Variants in AMY2B observed in about 807,000 individuals in gnomAD.
AMY2B encodes alpha-amylase 2B.
AMY2B carries 63 observed loss-of-function variants against 59.3 expected under a neutral mutation model. That is an observed-to-expected ratio of 1.06 (90% CI 0.87 to 1.31). The LOEUF (loss-of-function observed/expected upper bound fraction) is 1.31, where lower values mean the gene tolerates loss of function less well. AMY2B is among the 50% of genes most tolerant of loss of function. The pLI, the probability that AMY2B is intolerant of heterozygous loss-of-function variation, is 0.00. For synonymous variants in AMY2B, 180 were observed against 198.1 expected, an observed-to-expected ratio of 0.91 and a Z score of 0.77; for missense variants, 635 against 626.7, an observed-to-expected ratio of 1.01 and a Z score of -0.14.
intron 3 of AMY2B, 75 bp from the exon 4 acceptor site, chr1:103,573,633 A>G: frequency 6.3e-7 from 1 of 1,591,066 alleles, no homozygotes; most frequent in Admixed American, 1.7e-5. Flanking sequence ...ATCATGGAAT[A>G]AATGAATAAT....
chr1:103,573,171 C>T lies in AMY2B; in HGVS notation c.424C>T (p.Pro142Ser). The change falls in exon 3 of 10, where the codon CCA becomes TCA. Residue 142 changes from proline to serine, a missense_variant. Pro to Ser is a moderately conservative substitution (Grantham distance 74). Coordinates refer to ENST00000684275, the MANE Select transcript of AMY2B (RefSeq NM_001387437.1). ...SYFNPGSRDF[P>S]AVPYSGWDFN... The stretch of plus-strand genomic sequence containing the variant: ...CTTCAACCCTGGAAGTAGGGACTTT[C>T]CAGCAGTCCCATATTCTGGATGGGA... 2 of 1,613,738 alleles carry T rather than the reference C, an allele frequency of 1.2e-6. No homozygotes were observed. The highest frequency in any genetic ancestry group is 1.7e-6 in the Non-Finnish European group (2 of 1,179,722).
Position 103,575,560 on chromosome 1 carries a change from A to G in AMY2B, c.1101+20A>G. The G allele has an allele frequency of 1.2e-6, 2 of 1,612,208 alleles. No individual in the cohort carries two copies. The highest frequency in any genetic ancestry group is 1.3e-5 in the African/African-American group (1 of 74,932). ...GGAAACGTAAGTTTTGAAATTGTTC[A>G]AACTATCCTTTTCTCAAGAAACAGA... On this transcript the variant is annotated intron_variant, in intron 7 of 9. Transcript: ENST00000684275.
rs200275225 is a variant in AMY2B, at chr1:103,574,315, G to A, written c.800G>A (p.Arg267Gln). The stretch of plus-strand genomic sequence containing the variant: ...AGCAGTGACTACTTTGGAAATGGCC[G>A]GGTGACAGAATTCAAGTATGGTGCA... ...IKSSDYFGNG[R>Q]VTEFKYGAKL... The change falls in exon 5 of 10, where the codon CGG becomes CAG. Residue 267 changes from arginine (R) to glutamine (Q), a missense_variant. Coordinates refer to ENST00000684275, the MANE Select transcript of AMY2B (RefSeq NM_001387437.1). The A allele has an allele frequency of 3.8e-5, 62 of 1,611,606 alleles. No individual in the cohort carries two copies. Among genetic ancestry groups the A allele is most frequent in the African/African-American group, 1.2e-4 (9 of 74,900 alleles).
At chr1:103,559,966 T>G in intron 1 of AMY2B, among the ~76,000 whole-genome samples, 1 of 152,206 alleles carries the variant, frequency 6.6e-6, no homozygotes, top group East Asian at 1.9e-4. Context: ...AGATGTTCAT[T>G]ATAACACTTC....
intron 1 of AMY2B, among the ~76,000 whole-genome samples, chr1:103,564,038 A>G (rs984144343): frequency 3.9e-5 from 6 of 152,194 alleles, no homozygotes; most frequent in African/African-American, 1.2e-4. Flanking sequence ...ATGAGTTGAT[A>G]GGATTTTTAA....
upstream of AMY2B, chr1:103,570,256 C>G: frequency 1.8e-6 from 1 of 545,932 alleles, no homozygotes; most frequent in Non-Finnish European, 3.7e-6. Context: ...CTCCTCCTCC[C>G]TGGAGAAGAG....
chr1:103,572,407 G>C (rs1652172322), intron 2 of AMY2B, 151 bp downstream of exon 2: 3 of 1,407,968 alleles, frequency 2.1e-6, no homozygotes, highest in South Asian at 3.1e-5. Flanking sequence ...GTTGCCTTAT[G>C]TTCAGCTTTT....
At chr1:103,577,324 A>G (rs554437812) in intron 7 of AMY2B, 166 bp from the exon 8 acceptor site, 1 of 1,280,094 alleles carries the variant, frequency 7.8e-7, no homozygotes, top group Non-Finnish European at 1.1e-6. Context: ...TAGAGAGATG[A>G]TGAAGACCCA....
At chr1:103,578,353 A>G (rs1360225432) in intron 9 of AMY2B, among the ~76,000 whole-genome samples, 3 of 152,134 alleles carry the variant, frequency 2.0e-5, no homozygotes, top group African/African-American at 7.2e-5. Context: ...TGCATAAATA[A>G]TATGTATCTT....
At chr1:103,577,189 G>GCC (rs1652390910) in intron 7 of AMY2B, among the ~76,000 whole-genome samples, 1 of 152,146 alleles carries the variant, frequency 6.6e-6, no homozygotes, top group African/African-American at 2.4e-5. Context: ...AGTGAGCTAT[G>GCC]ATTATGCCAC....
intron 1 of AMY2B, among the ~76,000 whole-genome samples, chr1:103,564,700 A>T (rs929257228): frequency 6.6e-6 from 1 of 152,106 alleles, no homozygotes; most frequent in African/African-American, 2.4e-5. Flanking sequence ...TGTTCTGTTC[A>T]GTGTCTGTGT....
intron 3 of AMY2B, 111 bp from the exon 4 acceptor site, chr1:103,573,597 A>C: frequency 6.7e-7 from 1 of 1,496,400 alleles, no homozygotes; most frequent in Middle Eastern, 1.8e-4. Flanking sequence ...AATGCAAGGA[A>C]GTCACTATAG....
At chr1:103,574,024 G>A (rs1469826260) in intron 4 of AMY2B, 86 bp downstream of exon 4, 1 of 1,602,594 alleles carries the variant, frequency 6.2e-7, no homozygotes, top group Non-Finnish European at 8.5e-7. Context: ...AATTTCTATA[G>A]GATAAGGACT....
intron 1 of AMY2B, among the ~76,000 whole-genome samples, chr1:103,562,792 T>G (rs1043751372): frequency 6.6e-6 from 1 of 151,876 alleles, no homozygotes; most frequent in Non-Finnish European, 1.5e-5. Flanking sequence ...CTGATAGTTA[T>G]ATAAGTAGAA....
At chr1:103,568,554 T>C (rs564325354), upstream of AMY2B, 17 of 152,266 alleles carry the variant, frequency 1.1e-4, no homozygotes, top group African/African-American at 4.1e-4. Flanking sequence ...GAATTAAGGA[T>C]GGGAAACAGG....
intron 1 of AMY2B, among the ~76,000 whole-genome samples, chr1:103,561,091 A>G (rs569355420): frequency 2.4e-4 from 34 of 144,052 alleles, no homozygotes; most frequent in Non-Finnish European, 4.2e-4. Context: ...GGCACATAGT[A>G]ACTATATGTT....
At chr1:103,563,352 C>T (rs949509817) in intron 1 of AMY2B, among the ~76,000 whole-genome samples, 12 of 152,056 alleles carry the variant, frequency 7.9e-5, no homozygotes, top group African/African-American at 2.7e-4. Flanking sequence ...CCGTATATTA[C>T]TAATAACTGA....
chr1:103,576,528 A>G (rs1373316831), intron 7 of AMY2B, among the ~76,000 whole-genome samples: 1 of 152,104 alleles, frequency 6.6e-6, no homozygotes, highest in Non-Finnish European at 1.5e-5. Context: ...ACTTTTCACC[A>G]TATGACATAA....
At position 103,579,400 on chromosome 1, in the gene AMY2B, G is replaced by C; in HGVS notation, c.1436G>C (p.Gly479Ala). The change falls in exon 10 of 10, where the codon GGC becomes GCC. Residue 479 changes from glycine to alanine, a missense_variant. By Grantham distance (60) the Gly-to-Ala change is moderately conservative. Transcript: ENST00000684275. ...GATAAAATTAATGGCAATTGCACAG[G>C]CATTAAAATCTACGTTTCTGACGAT... ...SGDKINGNCT[G>A]IKIYVSDDGK... 1 of 1,611,690 alleles carries C rather than the reference G, an allele frequency of 6.2e-7. No individual in the cohort carries two copies. The highest frequency in any genetic ancestry group is 8.5e-7 in the Non-Finnish European group (1 of 1,179,700).
Sources: gnomAD v4.1 joint callset for allele counts (sites outside exome capture counted in the v4.1 genomes callset) on GRCh38, gnomAD v4.1.1 for gene constraint, MANE v1.5 for transcripts, NCBI Gene and HGNC (gene_info 2026-07-23, HGNC 2026-07-21) for gene names.